The following MMP16 variants were observed in gnomAD, a reference collection of about 807,000 sequenced individuals.
MMP16 encodes matrix metallopeptidase 16, also known as matrix metalloproteinase-16.
A neutral mutation model predicts 67.8 loss-of-function variants in MMP16; 12 were observed. The ratio of observed to expected loss-of-function variants is 0.18; its 90% CI spans 0.11 to 0.29. The LOEUF (loss-of-function observed/expected upper bound fraction) is 0.29. Among genes scored for constraint, MMP16 ranks in the 10% least tolerant of loss-of-function variants. MMP16 has a pLI of 1.00. For synonymous variants in MMP16, 249 were observed against 255.9 expected, an observed-to-expected ratio of 0.97 and a Z score of 0.26; for missense variants, 475 against 765.7, an observed-to-expected ratio of 0.62 and a Z score of 4.48.
intron 7 of MMP16, among the ~76,000 whole-genome samples, chr8:88,068,260 T>A (rs2118257973): frequency 6.6e-6 from 1 of 152,262 alleles, no homozygotes; most frequent in East Asian, 1.9e-4. Context: ...TTGAGTTGTT[T>A]GTTTTCTTTT....
At position 88,041,779 on chromosome 8, in the gene MMP16, G is replaced by A; in HGVS notation, c.1506C>T (p.Tyr502=). 1 of 1,608,342 alleles carries A rather than the reference G, an allele frequency of 6.2e-7. No individual in the cohort carries two copies. The highest frequency in any genetic ancestry group is 8.5e-7 in the Non-Finnish European group (1 of 1,177,162). ...TGAATTTCCAATACTCCTTTCCTTT[G>A]TAGAAATACGTAAAGCCTAGGGGGA... ...VHKENGFTYF[Y]KGKEYWKFNN... Residue 502 remains tyrosine (Y), a synonymous_variant, in exon 10 of 10, where the codon TAC becomes TAT. Coordinates refer to ENST00000286614, the MANE Select transcript of MMP16 (RefSeq NM_005941.5). The surrounding 1 kb of genome is among the most constrained non-coding windows in gnomAD (Gnocchi z 6.0).
intron 1 of MMP16, among the ~76,000 whole-genome samples, chr8:88,297,310 G>C (rs1236480201): frequency 6.6e-6 from 1 of 152,162 alleles, no homozygotes; most frequent in Admixed American, 6.5e-5. Flanking sequence ...CCAACAGCTA[G>C]AATAGAAGCC....
chr8:88,294,409 T>TATATACAC (rs1214523038), intron 1 of MMP16, among the ~76,000 whole-genome samples: 1 of 141,818 alleles, frequency 7.1e-6, no homozygotes, highest in African/African-American at 3.0e-5. Context: ...TGTATATACA[T>TATATACAC]ATATACACAT....
At chr8:88,272,942 G>A (rs1158028212) in intron 1 of MMP16, among the ~76,000 whole-genome samples, 1 of 151,074 alleles carries the variant, frequency 6.6e-6, no homozygotes, top group African/African-American at 2.4e-5. Context: ...CCAAATCAAA[G>A]GAAAGAGAAC....
At chr8:88,107,219 C>T (rs950504453) in intron 6 of MMP16, among the ~76,000 whole-genome samples, 12 of 151,010 alleles carry the variant, frequency 7.9e-5, no homozygotes, top group South Asian at 2.1e-4. Flanking sequence ...TATTTTTATA[C>T]ATTTACATTT....
chr8:88,258,010 A>C (rs1810329986), intron 1 of MMP16, among the ~76,000 whole-genome samples: 1 of 151,940 alleles, frequency 6.6e-6, no homozygotes, highest in Non-Finnish European at 1.5e-5. Context: ...TCACTGGCTG[A>C]AGCTAGAAAA....
intron 1 of MMP16, among the ~76,000 whole-genome samples, chr8:88,229,699 G>GA (rs34747273): frequency 0.18 from 26,535 of 147,686 alleles, 2,469 homozygotes; most frequent in South Asian, 0.26. Context: ...GTGATTGTTA[G>GA]AAAAAAAAAA....
chr8:88,229,087 G>C (rs1809816521), intron 1 of MMP16, among the ~76,000 whole-genome samples: 1 of 151,952 alleles, frequency 6.6e-6, no homozygotes, highest in Non-Finnish European at 1.5e-5. Context: ...CTTGAGCTCA[G>C]GAGGTCAAGG....
intron 6 of MMP16, among the ~76,000 whole-genome samples, chr8:88,083,637 A>C (rs146711200): frequency 6.6e-6 from 1 of 152,250 alleles, no homozygotes; most frequent in African/African-American, 2.4e-5. Context: ...TCAAAGGGAA[A>C]GAATTAACTA....
chr8:88,290,057 C>G (rs1283566544), intron 1 of MMP16, among the ~76,000 whole-genome samples: 2 of 152,002 alleles, frequency 1.3e-5, no homozygotes, highest in African/African-American at 2.4e-5. Flanking sequence ...CTGTGCATAT[C>G]CATAAATGAC....
chr8:88,322,781 G>A (rs1481683210), intron 1 of MMP16, among the ~76,000 whole-genome samples: 3 of 152,126 alleles, frequency 2.0e-5, no homozygotes, highest in South Asian at 4.1e-4. Context: ...GGAGGTTGAG[G>A]CTGTAGTGAG....
chr8:88,059,048 G>T (rs1282939628), intron 7 of MMP16, among the ~76,000 whole-genome samples: 2 of 152,066 alleles, frequency 1.3e-5, no homozygotes, highest in Non-Finnish European at 2.9e-5. Context: ...AAAGGTGAAT[G>T]GGCTGTTGGA....
chr8:88,123,470 A>G (rs896206655), intron 4 of MMP16, among the ~76,000 whole-genome samples: 1 of 150,754 alleles, frequency 6.6e-6, no homozygotes, highest in Non-Finnish European at 1.5e-5. Flanking sequence ...CTCTCTTTGC[A>G]CTTCGCTGAA....
rs28904600 is a variant in MMP16, at chr8:88,243,847, G to T, written c.133-46541C>A. Among the ~76,000 whole-genome samples the T allele has an allele frequency of 2.9e-3, 442 of 152,152 alleles. 4 individuals carry two copies. The highest frequency in any genetic ancestry group is 0.01 in the African/African-American group (426 of 41,532). On this transcript the variant is annotated intron_variant, in intron 1 of 9. Transcript: ENST00000286614. ...ACTGCTTTCTAGGTAATAGTCCTCGGGTTGCCAGTCGAAGATATTACAAAG... is the reference window on the plus strand; with the variant it reads ...ACTGCTTTCTAGGTAATAGTCCTCGTGTTGCCAGTCGAAGATATTACAAAG...
intron 4 of MMP16, among the ~76,000 whole-genome samples, chr8:88,122,343 A>T (rs1807853771): frequency 6.6e-6 from 1 of 151,952 alleles, no homozygotes; most frequent in Non-Finnish European, 1.5e-5. Flanking sequence ...AATCAAAGTC[A>T]TCTCCTCCAT....
At chr8:88,272,723 G>T (rs1380592402) in intron 1 of MMP16, among the ~76,000 whole-genome samples, 1 of 152,190 alleles carries the variant, frequency 6.6e-6, no homozygotes, top group African/African-American at 2.4e-5. Flanking sequence ...AAGGTTGGCA[G>T]GAGAGGAATT....
chr8:88,108,197 A>T (rs892792639), intron 6 of MMP16, among the ~76,000 whole-genome samples: 2 of 151,262 alleles, frequency 1.3e-5, no homozygotes, highest in African/African-American at 4.8e-5. Flanking sequence ...AAATATTAAA[A>T]ATAATGAAGA....
rs1808130225 is a variant in MMP16 at position 88,041,349 on chromosome 8, A to G, written c.*112T>C. The stretch of plus-strand genomic sequence containing the variant: ...TCTGGGTTTGAAAGGTCAGCCCCGA[A>G]TCAGGCTGCCACAAGCCTGCTCCTA... On this transcript the variant is annotated 3_prime_UTR_variant, in exon 10 of 10. Transcript: ENST00000286614. This position sits in a 1 kb window ranked among gnomAD's most constrained non-coding sequence, Gnocchi z 6.0. 1 of 1,115,416 alleles carries G rather than the reference A, an allele frequency of 9.0e-7. No homozygotes were observed. The highest frequency in any genetic ancestry group is 1.6e-5 in the African/African-American group (1 of 63,916). The allele number at this position is 1,115,416 out of a possible 1,614,324, so 69.1% of individuals were successfully genotyped here.
At chr8:88,073,014 G>A (rs1265825867) in intron 7 of MMP16, among the ~76,000 whole-genome samples, 8 of 152,158 alleles carry the variant, frequency 5.3e-5, no homozygotes, top group Non-Finnish European at 1.2e-4. Flanking sequence ...ACGAATTTAT[G>A]ACTGTGGCAG....
Sources: gnomAD v4.1 joint callset for allele counts (sites outside exome capture counted in the v4.1 genomes callset) on GRCh38, gnomAD v4.1.1 for gene constraint, Gnocchi (gnomAD v3.1) non-coding constraint, MANE v1.5 for transcripts, NCBI Gene and HGNC (gene_info 2026-07-23, HGNC 2026-07-21) for gene names.